KRIT1: variants seen among roughly 807,000 people sequenced by gnomAD.
The protein encoded by KRIT1 is krev interaction trapped protein 1.
Under a neutral mutation model 95.8 loss-of-function variants are expected in KRIT1, and 45 were observed. That is an observed-to-expected ratio of 0.47 (90% CI 0.37 to 0.60). The LOEUF (loss-of-function observed/expected upper bound fraction) is 0.60, where lower values mean the gene tolerates loss of function less well. KRIT1 is among the 20% of genes least tolerant of loss of function. KRIT1 has a pLI of 0.00. For synonymous variants in KRIT1, 282 were observed against 278.8 expected, an observed-to-expected ratio of 1.01 and a Z score of -0.11; for missense variants, 788 against 877.5, an observed-to-expected ratio of 0.90 and a Z score of 1.29.
At chr7:92,207,663 C>T (rs1331328551) in intron 17 of KRIT1, among the ~76,000 whole-genome samples, 2 of 152,068 alleles carry the variant, frequency 1.3e-5, no homozygotes, top group African/African-American at 2.4e-5. Flanking sequence ...TTGAGACCAG[C>T]GTGGGCAACA....
At position 92,242,037 on chromosome 7, in the gene KRIT1, A is replaced by T; in HGVS notation, c.99T>A (p.Tyr33Ter). Reference sequence around the variant, plus strand: ...AATTATTATTAAATGTTCTTACTTCATATGACTTAGCTCTGTATTCCCGAG... The same window carrying T: ...AATTATTATTAAATGTTCTTACTTCTTATGACTTAGCTCTGTATTCCCGAG... The part of the protein sequence containing the change: ...LNSREYRAKS[Y>*]EILLHEVPIE... Residue 33 changes from tyrosine to a stop codon, truncating the protein, a stop_gained, in exon 4 of 19, where the codon TAT becomes TAA. Coordinates refer to ENST00000394505, the MANE Select transcript of KRIT1 (RefSeq NM_194454.3). LOFTEE classifies it high-confidence loss of function. The T allele has an allele frequency of 6.9e-7, 1 of 1,452,622 alleles. No individual in the cohort carries two copies. The highest frequency in any genetic ancestry group is 9.7e-7 in the Non-Finnish European group (1 of 1,033,624). The allele number at this position is 1,452,622 out of a possible 1,614,324, so 90.0% of individuals were successfully genotyped here. A position where few individuals can be genotyped will look rare whatever the true frequency, so the allele number is the denominator to read the frequency against.
rs1352318300 is a variant in KRIT1 at position 92,225,764 on chromosome 7, A to G, written c.1210T>C (p.Trp404Arg). 1 of 1,610,826 alleles carries G rather than the reference A, an allele frequency of 6.2e-7. No individual in the cohort carries two copies. The highest frequency in any genetic ancestry group is 8.5e-7 in the Non-Finnish European group (1 of 1,177,330). Reference protein sequence around the residue: ...NICEENKQNNWEEAAKLLKEA... With the variant: ...NICEENKQNNREEAAKLLKEA... ...TTCAACAATTTTGCAGCTTCTTCCC[A>G]GTTGTTTTGTTTGTTTTCTTCACAA... The change falls in exon 12 of 19, where the codon TGG (tryptophan) becomes CGG (arginine). Residue 404 changes from tryptophan (W) to arginine (R), a missense_variant. By Grantham distance (101) the Trp-to-Arg change is moderately radical. This residue lies in a region of KRIT1 where 493 missense variants were observed against 582.3 expected (regional missense o/e 0.85). Coordinates refer to ENST00000394505, the MANE Select transcript of KRIT1 (RefSeq NM_194454.3).
rs549225312 is a variant in KRIT1 at position 92,199,660 on chromosome 7, C to CT, written c.*1075dup. 3 of 152,102 alleles carry CT rather than the reference C, an allele frequency of 2.0e-5. No individual in the cohort carries two copies. Among genetic ancestry groups the CT allele is most frequent in the Non-Finnish European group, 4.4e-5 (3 of 68,012 alleles). The allele number at this position is 152,102 out of a possible 1,614,324, so 9.4% of individuals were successfully genotyped here. ...CAAGAGATTATCACTTAAAATGTGTCTATGTATGTGTGTGCTTGTGTGCCA... is the reference window on the plus strand; with the variant it reads ...CAAGAGATTATCACTTAAAATGTGTCTTATGTATGTGTGTGCTTGTGTGCCA... On this transcript the variant is annotated 3_prime_UTR_variant, in exon 19 of 19. Transcript: ENST00000394505.
At chr7:92,229,763 T>C (rs1049271644) in intron 10 of KRIT1, among the ~76,000 whole-genome samples, 2 of 152,232 alleles carry the variant, frequency 1.3e-5, no homozygotes, top group African/African-American at 2.4e-5. Context: ...TCCATCCTTG[T>C]TTATCCACAC....
At chr7:92,207,005 G>A (rs1233797387) in intron 17 of KRIT1, 1 of 151,350 alleles carries the variant, frequency 6.6e-6, no homozygotes, top group Non-Finnish European at 1.5e-5. Flanking sequence ...TGTGACATGT[G>A]GGGACACCAT....
At position 92,214,021 on chromosome 7, in the gene KRIT1, T is replaced by G. The variant is rs768143383; in HGVS notation, c.1731-42A>C. ...CAACATCCTTTAAATAAATCATCTT[T>G]AGTAGCTAAAGTATAGTAATCATTC... On this transcript the variant is annotated intron_variant, in intron 15 of 18. Coordinates refer to ENST00000394505, the MANE Select transcript of KRIT1 (RefSeq NM_194454.3). The G allele has an allele frequency of 1.8e-5, 21 of 1,163,296 alleles. No homozygotes were observed. In the South Asian group the frequency reaches 2.4e-4, roughly 14 times the overall value. The allele number at this position is 1,163,296 out of a possible 1,614,324, so 72.1% of individuals were successfully genotyped here.
intron 15 of KRIT1, among the ~76,000 whole-genome samples, 169 bp downstream of exon 15, chr7:92,214,442 A>G (rs1190953779): frequency 1.3e-5 from 2 of 152,180 alleles, no homozygotes; most frequent in East Asian, 3.8e-4. Flanking sequence ...ATTGGAGAGT[A>G]TAACTTTAAG....
chr7:92,237,568 TATA>T, intron 6 of KRIT1, 96 bp downstream of exon 6: 1 of 605,118 alleles, frequency 1.7e-6, no homozygotes, highest in Non-Finnish European at 3.0e-6. Context: ...TTTATAATAT[TATA>T]GTAGTAACTA....
Position 92,235,615 on chromosome 7 carries a change from A to C in KRIT1, c.517T>G (p.Phe173Val). 1 of 1,613,942 alleles carries C rather than the reference A, an allele frequency of 6.2e-7. No homozygotes were observed. The highest frequency in any genetic ancestry group is 8.5e-7 in the Non-Finnish European group (1 of 1,179,932). Residue 173 changes from phenylalanine to valine, a missense_variant, in exon 8 of 19, where the codon TTT (phenylalanine) becomes GTT (valine). Around this residue, in one of 3 missense-constraint regions of KRIT1, gnomAD observed 289 missense variants for 277.5 expected, o/e 1.04. Transcript: ENST00000394505. ...WLDERHAQSH[F>V]IPALFRPSPL... ...GAAGGTCGGAATAAAGCTGGAATAAAGTGAGATTGTGCATGACGTTCATCT... is the reference window on the plus strand; with the variant it reads ...GAAGGTCGGAATAAAGCTGGAATAACGTGAGATTGTGCATGACGTTCATCT...
Position 92,236,367 on chromosome 7 carries a change from A to G in KRIT1, c.485+46T>C. On this transcript the variant is annotated intron_variant, in intron 7 of 18. Coordinates refer to ENST00000394505, the MANE Select transcript of KRIT1 (RefSeq NM_194454.3). ...CTATGACAACTAATTTCTACTATAA[A>G]CATGTATTTGATTAATTAAAAGATA... The G allele has an allele frequency of 2.3e-6, 3 of 1,293,630 alleles. No individual in the cohort carries two copies. The South Asian group carries it at 3.6e-5, about 15-fold the overall frequency. The allele number at this position is 1,293,630 out of a possible 1,614,324, so 80.1% of individuals were successfully genotyped here. A position where few individuals can be genotyped will look rare whatever the true frequency, so the allele number is the denominator to read the frequency against.
intron 17 of KRIT1, chr7:92,206,978 A>T (rs1791660146): frequency 6.6e-6 from 1 of 151,932 alleles, no homozygotes; most frequent in Non-Finnish European, 1.5e-5. Flanking sequence ...GAAATAAAAA[A>T]GAATGAAGAA....
At chr7:92,211,100 G>C (rs1281562814) in intron 17 of KRIT1, among the ~76,000 whole-genome samples, 1 of 152,116 alleles carries the variant, frequency 6.6e-6, no homozygotes, top group Non-Finnish European at 1.5e-5. Context: ...AACTAGTAGA[G>C]CCATTATGGA....
intron 12 of KRIT1, among the ~76,000 whole-genome samples, chr7:92,224,185 T>C (rs889616232): frequency 6.6e-6 from 1 of 152,226 alleles, no homozygotes; most frequent in Non-Finnish European, 1.5e-5. Context: ...ACTCAACAAA[T>C]ACTTATTGCA....
At chr7:92,200,936 G>T (rs1789996896) in intron 18 of KRIT1, 132 bp from the exon 19 acceptor site, 1 of 703,910 alleles carries the variant, frequency 1.4e-6, no homozygotes, top group South Asian at 1.6e-5. Flanking sequence ...TTAAGAGAGA[G>T]TATAGAGGGG....
intron 17 of KRIT1, among the ~76,000 whole-genome samples, chr7:92,207,667 G>A (rs1791875245): frequency 6.6e-6 from 1 of 152,108 alleles, no homozygotes. Context: ...GACCAGCGTG[G>A]GCAACATGGC....
Position 92,242,037 on chromosome 7 carries a change from A to AT in KRIT1, c.98dup (p.Tyr33Ter), listed in dbSNP as rs1273978810. The AT allele has an allele frequency of 2.8e-6, 4 of 1,452,504 alleles. No homozygotes were observed. The highest frequency in any genetic ancestry group is 2.9e-6 in the Non-Finnish European group (3 of 1,033,632). The allele number at this position is 1,452,504 out of a possible 1,614,324, so 90.0% of individuals were successfully genotyped here. Residue 33 changes from tyrosine to a stop codon, truncating the protein, a stop_gained and frameshift_variant, in exon 4 of 19, where the codon TAT becomes TAAT. Coordinates refer to ENST00000394505, the MANE Select transcript of KRIT1 (RefSeq NM_194454.3). LOFTEE classifies it high-confidence loss of function. ...LNSREYRAKSYEILLHEVPIE... is the reference protein window; with the variant it reads ...LNSREYRAKS ...AATTATTATTAAATGTTCTTACTTCATATGACTTAGCTCTGTATTCCCGAG... is the reference window on the plus strand; with the variant it reads ...AATTATTATTAAATGTTCTTACTTCATTATGACTTAGCTCTGTATTCCCGAG...
chr7:92,226,490 T>A (rs763415335), intron 11 of KRIT1, 36 bp downstream of exon 11: 1 of 1,513,194 alleles, frequency 6.6e-7, no homozygotes, highest in Non-Finnish European at 9.2e-7. Context: ...ATTCACTGCT[T>A]GAATATTATT....
chr7:92,240,092 G>GA (rs1156877436), intron 5 of KRIT1, among the ~76,000 whole-genome samples: 1 of 152,054 alleles, frequency 6.6e-6, no homozygotes, highest in African/African-American at 2.4e-5. Context: ...TCTATTAGGG[G>GA]AAGAAACCTA....
At chr7:92,217,644 C>G (rs1006600744) in intron 14 of KRIT1, among the ~76,000 whole-genome samples, 24 of 152,114 alleles carry the variant, frequency 1.6e-4, no homozygotes, top group Non-Finnish European at 2.9e-4. Context: ...ATATATAGAT[C>G]ACATTTTGTT....
Sources: gnomAD v4.1 joint callset for allele counts (sites outside exome capture counted in the v4.1 genomes callset) on GRCh38, gnomAD v4.1.1 for gene constraint, gnomAD v4.1.1 regional missense constraint, MANE v1.5 for transcripts, NCBI Gene and HGNC (gene_info 2026-07-23, HGNC 2026-07-21) for gene names.